The following DPF3 variants were observed in gnomAD, a reference collection of about 807,000 sequenced individuals.
The protein encoded by DPF3 is double PHD fingers 3.
A neutral mutation model predicts 56.8 loss-of-function variants in DPF3; 18 were observed. The observed-to-expected ratio is 0.32, with a 90% confidence interval of 0.22 to 0.47. DPF3 has a LOEUF of 0.47. DPF3 is among the 20% of genes least tolerant of loss of function. The pLI is 1.00. For synonymous variants in DPF3, 188 were observed against 180.2 expected (o/e 1.04, Z -0.35); for missense variants, 403 against 488.8 (o/e 0.82, Z 1.65).
chr14:72,805,206 C>A (rs10140024), intron 1 of DPF3, among the ~76,000 whole-genome samples: 1 of 151,966 alleles, frequency 6.6e-6, no homozygotes, highest in Non-Finnish European at 1.5e-5. Context: ...CACAGTGGCT[C>A]ACACCTGTAA....
In DPF3 at chr14:72,840,475, G is replaced by A. The variant is rs367623357; in HGVS notation, c.32+53582C>T. Among the ~76,000 whole-genome samples, 33 of 152,216 alleles carry A rather than the reference G, an allele frequency of 2.2e-4. No homozygotes were observed. The East Asian group carries it at 4.1e-3, about 19-fold the overall frequency. On this transcript the variant is annotated intron_variant, in intron 1 of 10. Transcript: ENST00000556509. ...CAGCCCCTGCCTTTCCAGGCGGCCCGTGTTAACATCTTAGTTTGTATCCTT... is the reference window on the plus strand; with the variant it reads ...CAGCCCCTGCCTTTCCAGGCGGCCCATGTTAACATCTTAGTTTGTATCCTT...
chr14:72,845,254 A>G lies in DPF3; in HGVS notation c.32+48803T>C, dbSNP rs540153812. Among the ~76,000 whole-genome samples the G allele has an allele frequency of 2.0e-5, 3 of 152,304 alleles. No homozygotes were observed. The East Asian group carries it at 5.8e-4, about 29-fold the overall frequency. The stretch of plus-strand genomic sequence containing the variant: ...CAGTGAAAGCCCCAGTTAGGAAACC[A>G]TGAAAGAGAAGAAATGAGGTACACA... On this transcript the variant is annotated intron_variant, in intron 1 of 10. Coordinates refer to ENST00000556509, the MANE Select transcript of DPF3 (RefSeq NM_001280542.3).
At chr14:72,641,346 T>A (rs1023915698) in intron 8 of DPF3, among the ~76,000 whole-genome samples, 1 of 152,256 alleles carries the variant, frequency 6.6e-6, no homozygotes, top group Non-Finnish European at 1.5e-5. Context: ...TGTCTTTACC[T>A]AACTCCATTC....
chr14:72,839,132 G>C (rs187307491), intron 1 of DPF3, among the ~76,000 whole-genome samples: 79 of 151,540 alleles, frequency 5.2e-4, no homozygotes, highest in Admixed American at 1.1e-3. Flanking sequence ...TGTTGGCCAG[G>C]CTGGTCTCAA....
At chr14:72,774,250 T>A in intron 1 of DPF3, among the ~76,000 whole-genome samples, 1 of 112,438 alleles carries the variant, frequency 8.9e-6, no homozygotes, top group East Asian at 2.5e-4. Flanking sequence ...GGCGACAGGG[T>A]GAGACTCTGT....
intron 1 of DPF3, among the ~76,000 whole-genome samples, chr14:72,798,643 C>G (rs552931878): frequency 6.6e-6 from 1 of 152,210 alleles, no homozygotes; most frequent in Admixed American, 6.5e-5. Flanking sequence ...GGGCTGCCAG[C>G]TGCTAAGGAT....
At chr14:72,783,780 A>G (rs1335568308) in intron 1 of DPF3, among the ~76,000 whole-genome samples, 1 of 152,168 alleles carries the variant, frequency 6.6e-6, no homozygotes, top group Admixed American at 6.5e-5. Context: ...TACCCATCCC[A>G]TGTCCCTCAA....
At chr14:72,658,786 G>A (rs1450475883) in intron 8 of DPF3, among the ~76,000 whole-genome samples, 5 of 152,288 alleles carry the variant, frequency 3.3e-5, no homozygotes, top group Non-Finnish European at 5.9e-5. Context: ...CCGCTGTTAT[G>A]AGAATCTGAA....
intron 8 of DPF3, among the ~76,000 whole-genome samples, chr14:72,669,419 T>C (rs1003853957): frequency 1.3e-5 from 2 of 152,192 alleles, no homozygotes; most frequent in African/African-American, 4.8e-5. Flanking sequence ...GTGCAGAATC[T>C]TCCAAACAGC....
intron 1 of DPF3, among the ~76,000 whole-genome samples, chr14:72,791,157 A>T (rs1270436850): frequency 6.6e-6 from 1 of 151,814 alleles, no homozygotes; most frequent in Non-Finnish European, 1.5e-5. Flanking sequence ...AGGCTGCTGC[A>T]CTAGCCCCCC....
chr14:72,712,369 C>T (rs183986569), intron 6 of DPF3, among the ~76,000 whole-genome samples: 1 of 152,200 alleles, frequency 6.6e-6, no homozygotes, highest in East Asian at 1.9e-4. Context: ...TGGAGATGAT[C>T]CACAAGGAGG....
chr14:72,662,367 G>A (rs915082191), intron 8 of DPF3: 8 of 984,736 alleles, frequency 8.1e-6, no homozygotes, highest in East Asian at 1.1e-4. Context: ...ACAAAATTGC[G>A]CTTAACTTTT....
intron 1 of DPF3, among the ~76,000 whole-genome samples, chr14:72,882,801 TCTCCCCA>T (rs769386899): frequency 6.8e-6 from 1 of 147,998 alleles, no homozygotes; most frequent in Non-Finnish European, 1.5e-5. Context: ...TTGCCGCCCC[TCTCCCCA>T]CTCCCCTCAC....
intron 1 of DPF3, among the ~76,000 whole-genome samples, chr14:72,881,500 C>A (rs898905099): frequency 6.6e-6 from 1 of 152,048 alleles, no homozygotes; most frequent in South Asian, 2.1e-4. Context: ...CGGCCTTCTT[C>A]GGAATCCACC....
At chr14:72,697,637 C>T (rs1021884700) in intron 6 of DPF3, among the ~76,000 whole-genome samples, 1 of 152,154 alleles carries the variant, frequency 6.6e-6, no homozygotes, top group African/African-American at 2.4e-5. Context: ...AGGATTCTAT[C>T]CTGAGGACCA....
chr14:72,637,176 G>GCAC (rs1885408362), intron 8 of DPF3, among the ~76,000 whole-genome samples: 1 of 152,156 alleles, frequency 6.6e-6, no homozygotes, highest in Admixed American at 6.5e-5. Context: ...ATTCTCAAAT[G>GCAC]GTCCTAGAAA....
At chr14:72,752,442 C>T (rs750927363) in intron 3 of DPF3, among the ~76,000 whole-genome samples, 5 of 152,182 alleles carry the variant, frequency 3.3e-5, no homozygotes, top group Admixed American at 6.5e-5. Flanking sequence ...GCAGGCAGAT[C>T]GCTTGAGGCC....
chr14:72,860,402 C>T (rs1885349807), intron 1 of DPF3, among the ~76,000 whole-genome samples: 1 of 152,072 alleles, frequency 6.6e-6, no homozygotes, highest in Admixed American at 6.6e-5. Context: ...CGAGGCTATG[C>T]TTGAACTCCT....
rs1018287495 is a variant in DPF3 at position 72,616,243 on chromosome 14, G to A, written c.*3054C>T. 5.3e-5 allele frequency among the ~76,000 whole-genome samples: 8 copies of A among 152,140 alleles called. No individual in the cohort carries two copies. Among genetic ancestry groups the A allele is most frequent in the South Asian group, 4.1e-4 (2 of 4,824 alleles). ...CAGCTAGAAAGTGGCAGTGTTGGTCGGAAAGTGAGCGTTACCCATGAACTG... is the reference window on the plus strand; with the variant it reads ...CAGCTAGAAAGTGGCAGTGTTGGTCAGAAAGTGAGCGTTACCCATGAACTG... On this transcript the variant is annotated 3_prime_UTR_variant, in exon 11 of 11. Transcript: ENST00000556509.
Sources: allele counts gnomAD v4.1 joint callset (sites outside exome capture counted in the v4.1 genomes callset), GRCh38; gene constraint gnomAD v4.1.1; transcripts MANE v1.5; gene names NCBI Gene and HGNC (gene_info 2026-07-23, HGNC 2026-07-21).